Variants in ALOX5 observed in about 807,000 individuals in gnomAD.
ALOX5 encodes the protein arachidonate 5-lipoxygenase.
ALOX5 carries 64 observed loss-of-function variants against 87.9 expected under a neutral mutation model. That is an observed-to-expected ratio of 0.73 (90% CI 0.60 to 0.90). The LOEUF (loss-of-function observed/expected upper bound fraction) is 0.90. Among genes scored for constraint, ALOX5 ranks in the 40% least tolerant of loss-of-function variants. The pLI is 0.00. For missense variants in ALOX5, 822 were observed against 907.5 expected (o/e 0.91, Z 1.21); for synonymous variants, 388 against 355.1 (o/e 1.09, Z -1.04).
chr10:45,443,847 G>T lies in ALOX5; in HGVS notation c.1674+19G>T, dbSNP rs1842335272. ...CGGCCAGGTAGGCAGGGCCGGGCCCGCTGGGCAGGGCTCCCTTCTCAAGGC... is the reference window on the plus strand; with the variant it reads ...CGGCCAGGTAGGCAGGGCCGGGCCCTCTGGGCAGGGCTCCCTTCTCAAGGC... On this transcript the variant is annotated intron_variant, in intron 12 of 13. Transcript: ENST00000374391. 1 of 1,579,160 alleles carries T rather than the reference G, an allele frequency of 6.3e-7. No individual in the cohort carries two copies. The highest frequency in any genetic ancestry group is 8.6e-7 in the Non-Finnish European group (1 of 1,163,334).
At chr10:45,444,514 C>T in intron 13 of ALOX5, 1 of 525,564 alleles carries the variant, frequency 1.9e-6, no homozygotes, top group Non-Finnish European at 3.2e-6. Flanking sequence ...AGGCTTTGCT[C>T]ACTGTCACCA....
At chr10:45,377,628 GTC>G (rs1839669276) in intron 1 of ALOX5, among the ~76,000 whole-genome samples, 1 of 151,770 alleles carries the variant, frequency 6.6e-6, no homozygotes, top group Non-Finnish European at 1.5e-5. Context: ...CTCATCCCGA[GTC>G]TCTGTTTTGT....
chr10:45,395,299 C>T (rs1035347980), intron 2 of ALOX5, among the ~76,000 whole-genome samples: 15 of 152,170 alleles, frequency 9.9e-5, no homozygotes, highest in African/African-American at 3.1e-4. Flanking sequence ...AATTCATGTC[C>T]TTTGTAGGGA....
At chr10:45,375,720 G>T (rs1282216694) in intron 1 of ALOX5, among the ~76,000 whole-genome samples, 1 of 152,154 alleles carries the variant, frequency 6.6e-6, no homozygotes, top group Non-Finnish European at 1.5e-5. Flanking sequence ...CCATACCCTC[G>T]CTGTAGCACG....
At chr10:45,416,815 GTGGA>G (rs1190334199) in intron 4 of ALOX5, among the ~76,000 whole-genome samples, 8 of 151,638 alleles carry the variant, frequency 5.3e-5, no homozygotes, top group South Asian at 2.1e-4. Context: ...TTCATGGATG[GTGGA>G]TGGATGGATG....
In ALOX5 at chr10:45,444,277, G is replaced by A. The variant is rs1468689757; in HGVS notation, c.1836G>A (p.Gln612=). 1.3e-6 allele frequency: 2 copies of A among 1,553,880 alleles called. No homozygotes were observed. The highest frequency in any genetic ancestry group is 4.8e-5 in the East Asian group (2 of 41,944). ...LGAVWALSQF[Q]ENELFLGMYP... The stretch of plus-strand genomic sequence containing the variant: ...CAGTGTGGGCGCTGAGCCAGTTCCA[G>A]GAAAACGAGGTGAAGCTGGGCAGGG... Residue 612 remains glutamine (Q), a synonymous_variant, in exon 13 of 14, where the codon CAG becomes CAA. Coordinates refer to ENST00000374391, the MANE Select transcript of ALOX5 (RefSeq NM_000698.5).
Position 45,379,536 on chromosome 10 carries a change from T to C in ALOX5, c.151-2947T>C, listed in dbSNP as rs147390865. 9.5e-4 allele frequency among the ~76,000 whole-genome samples: 145 copies of C among 152,254 alleles called. 5 individuals carry two copies. The South Asian group carries it at 0.028, about 29-fold the overall frequency. On this transcript the variant is annotated intron_variant, in intron 1 of 13. Coordinates refer to ENST00000374391, the MANE Select transcript of ALOX5 (RefSeq NM_000698.5). ...TCACAGGTTCAGTTTCCTCCTCCCATGTGTGCTCCAGTTACTCGGATTGGC... is the reference window on the plus strand; with the variant it reads ...TCACAGGTTCAGTTTCCTCCTCCCACGTGTGCTCCAGTTACTCGGATTGGC...
At chr10:45,428,423 G>A (rs1344838365) in intron 6 of ALOX5, 195 bp from the exon 7 acceptor site, 1 of 650,098 alleles carries the variant, frequency 1.5e-6, no homozygotes, top group Non-Finnish European at 2.5e-6. Flanking sequence ...ATCTTACCCC[G>A]AACTGCCACA....
Position 45,412,394 on chromosome 10 carries a change from A to T in ALOX5, c.554+81A>T, listed in dbSNP as rs1231553402. ...GGGTGGAACCCTCACTCCTTTCCTCATGGGGTCCTTGGGTTGGGGGAACAG... is the reference window on the plus strand; with the variant it reads ...GGGTGGAACCCTCACTCCTTTCCTCTTGGGGTCCTTGGGTTGGGGGAACAG... On this transcript the variant is annotated intron_variant, in intron 4 of 13. Transcript: ENST00000374391. The T allele has an allele frequency of 3.8e-6, 6 of 1,561,390 alleles. No homozygotes were observed. In the African/African-American group the frequency reaches 6.8e-5, roughly 18 times the overall value.
At chr10:45,390,364 C>G (rs140927225) in intron 2 of ALOX5, among the ~76,000 whole-genome samples, 1 of 152,320 alleles carries the variant, frequency 6.6e-6, no homozygotes, top group South Asian at 2.1e-4. Flanking sequence ...ACAGAACTCT[C>G]CACCCCAAAT....
At chr10:45,412,727 T>C (rs927697900) in intron 4 of ALOX5, among the ~76,000 whole-genome samples, 1 of 152,158 alleles carries the variant, frequency 6.6e-6, no homozygotes, top group African/African-American at 2.4e-5. Context: ...CCCCTGTTCC[T>C]CCGTCACAAC....
intron 13 of ALOX5, 78 bp downstream of exon 13, chr10:45,444,364 C>G (rs543203831): frequency 2.7e-6 from 4 of 1,460,042 alleles, no homozygotes; most frequent in Non-Finnish European, 3.6e-6. Flanking sequence ...CTTTGTGACT[C>G]GGGCCCCAAG....
chr10:45,428,558 G>T (rs769323291), intron 6 of ALOX5, 60 bp from the exon 7 acceptor site: 312 of 1,602,892 alleles, frequency 1.9e-4, no homozygotes, highest in Non-Finnish European at 2.6e-4. Flanking sequence ...TCTTTCCCCA[G>T]GCCTGATTTT....
Position 45,428,618 on chromosome 10 carries a change from C to G in ALOX5, c.835C>G (p.Gln279Glu). ...GGACACATCTCTCTGCCTCCTGCAGCAAGGGAACATTTTCATCGTGGACTT... is the reference window on the plus strand; with the variant it reads ...GGACACATCTCTCTGCCTCCTGCAGGAAGGGAACATTTTCATCGTGGACTT... ...RQLSLEQEVQ[Q>E]GNIFIVDFEL... The change falls in exon 7 of 14, where the codon CAA becomes GAA. Residue 279 changes from glutamine to glutamate, a missense_variant and splice_region_variant. Coordinates refer to ENST00000374391, the MANE Select transcript of ALOX5 (RefSeq NM_000698.5). 1 of 1,614,100 alleles carries G rather than the reference C, an allele frequency of 6.2e-7. No homozygotes were observed. Among genetic ancestry groups the G allele is most frequent in the Non-Finnish European group, 8.5e-7 (1 of 1,180,008 alleles).
At chr10:45,429,462 G>C (rs564767618) in intron 7 of ALOX5, among the ~76,000 whole-genome samples, 1 of 152,286 alleles carries the variant, frequency 6.6e-6, no homozygotes, top group South Asian at 2.1e-4. Flanking sequence ...AGCTGGATAG[G>C]TCAGGCACCA....
rs771622355 is a variant in ALOX5 at position 45,424,105 on chromosome 10, G to A, written c.619G>A (p.Asp207Asn). The change falls in exon 5 of 14, where the codon GAC becomes AAC. Residue 207 changes from aspartate (D) to asparagine (N), a missense_variant. Asp to Asn is a conservative substitution (Grantham distance 23, BLOSUM62 1). Transcript: ENST00000374391. ...MFQSSWNDFADFEKIFVKISN... is the reference protein window; with the variant it reads ...MFQSSWNDFANFEKIFVKISN... Reference sequence around the variant, plus strand: ...CCAGTCTTCTTGGAATGACTTCGCCGACTTTGAGAAAATCTTTGTCAAGAT... The same window carrying A: ...CCAGTCTTCTTGGAATGACTTCGCCAACTTTGAGAAAATCTTTGTCAAGAT... 2.4e-5 allele frequency: 38 copies of A among 1,614,048 alleles called. No homozygotes were observed. The highest frequency in any genetic ancestry group is 3.0e-5 in the Non-Finnish European group (35 of 1,180,026).
intron 4 of ALOX5, among the ~76,000 whole-genome samples, chr10:45,422,134 C>T (rs1841526400): frequency 6.6e-6 from 1 of 152,108 alleles, no homozygotes; most frequent in African/African-American, 2.4e-5. Flanking sequence ...CAGGAGAGAC[C>T]CCCAGTGTCT....
At chr10:45,406,514 C>T (rs752671666) in intron 3 of ALOX5, among the ~76,000 whole-genome samples, 4 of 152,308 alleles carry the variant, frequency 2.6e-5, no homozygotes, top group African/African-American at 4.8e-5. Context: ...AGGAACACAG[C>T]GTGTCTTTCC....
Position 45,391,433 on chromosome 10 carries a change from C to T in ALOX5, c.350-4422C>T, listed in dbSNP as rs1307401464. Among the ~76,000 whole-genome samples the T allele has an allele frequency of 2.0e-4, 30 of 152,168 alleles. 1 individual carries two copies. Among genetic ancestry groups the T allele is most frequent in the Admixed American group, 3.9e-4 (6 of 15,288 alleles). ...AGGCTGGGGTGCAGTGGCGTGATCT[C>T]GGCTCGCTACAACCTCCACCTCCCA... On this transcript the variant is annotated intron_variant, in intron 2 of 13. Coordinates refer to ENST00000374391, the MANE Select transcript of ALOX5 (RefSeq NM_000698.5).
Sources: allele counts gnomAD v4.1 joint callset (sites outside exome capture counted in the v4.1 genomes callset), GRCh38; gene constraint gnomAD v4.1.1; transcripts MANE v1.5; gene names NCBI Gene and HGNC (gene_info 2026-07-23, HGNC 2026-07-21).